The following MRPS30 variants were observed in gnomAD, a reference collection of about 807,000 sequenced individuals.
MRPS30 encodes the protein large ribosomal subunit protein mL65.
A neutral mutation model predicts 43.8 loss-of-function variants in MRPS30; 42 were observed. That is an observed-to-expected ratio of 0.96 (90% CI 0.75 to 1.24). The LOEUF (loss-of-function observed/expected upper bound fraction) is 1.24, where lower values mean the gene tolerates loss of function less well. Ranked by LOEUF, MRPS30 falls within the 50% of genes most tolerant of loss-of-function variation. The probability of loss-of-function intolerance (pLI) is 0.00; values close to 1 mark genes in which losing one functional copy is unlikely to be tolerated. For synonymous variants in MRPS30, 273 were observed against 228.2 expected (o/e 1.20, Z -1.77); for missense variants, 638 against 570.0 (o/e 1.12, Z -1.22).
At chr5:44,813,788 T>A (rs1200310148) in intron 4 of MRPS30, among the ~76,000 whole-genome samples, 2 of 152,164 alleles carry the variant, frequency 1.3e-5, no homozygotes, top group African/African-American at 4.8e-5. Context: ...GAGCTTATAT[T>A]ATAGTGGGGG....
chr5:44,814,423 T>G lies in MRPS30; in HGVS notation c.1031-490T>G, dbSNP rs1742887689. Among the ~76,000 whole-genome samples, 2 of 152,196 alleles carry G rather than the reference T, an allele frequency of 1.3e-5. 1 individual carries two copies. Among genetic ancestry groups the G allele is most frequent in the South Asian group, 4.1e-4 (2 of 4,832 alleles). On this transcript the variant is annotated intron_variant, in intron 4 of 4. Coordinates refer to ENST00000507110, the MANE Select transcript of MRPS30 (RefSeq NM_016640.4). ...GAATTAGACAAAGTAAGAAGTAACT[T>G]TCTTGAAGATGGTAGAATGGCACTG...
chr5:44,808,996 C>G lies in MRPS30; in HGVS notation c.34C>G (p.Arg12Gly). 2.5e-6 allele frequency: 4 copies of G among 1,607,904 alleles called. No individual in the cohort carries two copies. Among genetic ancestry groups the G allele is most frequent in the Non-Finnish European group, 3.4e-6 (4 of 1,177,664 alleles). ...AAARCWRPLL[R>G]GPRLSLHTAA... ...GGCCAGGTGTTGGAGGCCTTTGCTA[C>G]GCGGTCCGAGGCTTTCATTGCACAC... The change falls in exon 1 of 5, where the codon CGC (arginine) becomes GGC (glycine). Residue 12 changes from arginine to glycine, a missense_variant. Physicochemically the swap from Arg to Gly is moderately radical, Grantham distance 125 (BLOSUM62 -2). Transcript: ENST00000507110.
rs754234679 is a variant in MRPS30, at chr5:44,815,120, TTAA to T, written c.1240_1242del (p.Asn414del). 3.1e-6 allele frequency: 5 copies of T among 1,612,666 alleles called. No homozygotes were observed. The highest frequency in any genetic ancestry group is 3.4e-6 in the Non-Finnish European group (4 of 1,178,956). On this transcript the variant is annotated inframe_deletion, in exon 5 of 5. Coordinates refer to ENST00000507110, the MANE Select transcript of MRPS30 (RefSeq NM_016640.4). ...ATTGAGGATAATGATGTGAAAGGTT[TTAA>T]TGATGATGTTCTACTTCAGATAGTT...
At chr5:44,811,893 A>G (rs753762799) in intron 2 of MRPS30, 22 bp from the exon 3 acceptor site, 1 of 1,369,674 alleles carries the variant, frequency 7.3e-7, no homozygotes, top group Non-Finnish European at 9.9e-7. Flanking sequence ...TGAATTTAGT[A>G]TGTCTTTTCT....
At chr5:44,814,300 C>CT (rs1297943532) in intron 4 of MRPS30, among the ~76,000 whole-genome samples, 7 of 151,992 alleles carry the variant, frequency 4.6e-5, no homozygotes, top group Admixed American at 2.0e-4. Flanking sequence ...CTAGGCTCAT[C>CT]TTTTTTTAAC....
rs1275581060 is a variant in MRPS30 at position 44,809,289 on chromosome 5, C to G, written c.327C>G (p.Phe109Leu). 1 of 1,613,202 alleles carries G rather than the reference C, an allele frequency of 6.2e-7. No homozygotes were observed. The highest frequency in any genetic ancestry group is 8.5e-7 in the Non-Finnish European group (1 of 1,179,818). Residue 109 changes from phenylalanine (F) to leucine (L), a missense_variant, in exon 1 of 5, where the codon TTC becomes TTG. By Grantham distance (22) the Phe-to-Leu change is conservative. Coordinates refer to ENST00000507110, the MANE Select transcript of MRPS30 (RefSeq NM_016640.4). ...ATGCCGACCGCTGGTACCAGTACTT[C>G]ACCAAGACCGTGTTCCTGTCGGGTC... ...ALNADRWYQY[F>L]TKTVFLSGLP...
chr5:44,809,229 G>A lies in MRPS30; in HGVS notation c.267G>A (p.Met89Ile), dbSNP rs1223512279. ...GAATCCTCACCAAGATGCAGTTTAT[G>A]AAGTACATGGTTTACCCGCAGACCT... Reference protein sequence around the residue: ...KLRILTKMQFMKYMVYPQTFA... With the variant: ...KLRILTKMQFIKYMVYPQTFA... Residue 89 changes from methionine (M) to isoleucine (I), a missense_variant, in exon 1 of 5, where the codon ATG becomes ATA. Coordinates refer to ENST00000507110, the MANE Select transcript of MRPS30 (RefSeq NM_016640.4). 1 of 1,613,552 alleles carries A rather than the reference G, an allele frequency of 6.2e-7. No homozygotes were observed. Among genetic ancestry groups the A allele is most frequent in the African/African-American group, 1.3e-5 (1 of 74,924 alleles).
At chr5:44,809,654 C>T (rs762922029) in intron 1 of MRPS30, 91 bp downstream of exon 1, 6 of 1,335,104 alleles carry the variant, frequency 4.5e-6, no homozygotes, top group Non-Finnish European at 6.1e-6. Context: ...TCATTTCTTT[C>T]TCTCTGCTTC....
chr5:44,808,996 C>A lies in MRPS30; in HGVS notation c.34C>A (p.Arg12Ser), dbSNP rs112901974. The A allele has an allele frequency of 2.9e-3, 4,695 of 1,607,900 alleles. 6 individuals are homozygous for A. The highest frequency in any genetic ancestry group is 3.6e-3 in the Non-Finnish European group (4,217 of 1,177,660). Residue 12 changes from arginine (R) to serine (S), a missense_variant, in exon 1 of 5, where the codon CGC (arginine) becomes AGC (serine). Transcript: ENST00000507110. ...GGCCAGGTGTTGGAGGCCTTTGCTA[C>A]GCGGTCCGAGGCTTTCATTGCACAC... ...AAARCWRPLLRGPRLSLHTAA... is the reference protein window; with the variant it reads ...AAARCWRPLLSGPRLSLHTAA...
Position 44,811,026 on chromosome 5 carries a change from C to G in MRPS30, c.619C>G (p.His207Asp). ...AAALDYRCPV[H>D]FYWVRGEEII... ...TTTGATAGATTATAGATGCCCAGTT[C>G]ATTTTTACTGGGTGCGTGGTGAAGA... Residue 207 changes from histidine to aspartate, a missense_variant, in exon 2 of 5, where the codon CAT becomes GAT. By Grantham distance (81) the His-to-Asp change is moderately conservative (BLOSUM62 -1). Coordinates refer to ENST00000507110, the MANE Select transcript of MRPS30 (RefSeq NM_016640.4). The G allele has an allele frequency of 6.2e-7, 1 of 1,613,862 alleles. No homozygotes were observed. The highest frequency in any genetic ancestry group is 8.5e-7 in the Non-Finnish European group (1 of 1,179,878).
chr5:44,809,716 A>G (rs1036036187), intron 1 of MRPS30, 153 bp downstream of exon 1: 106 of 807,492 alleles, frequency 1.3e-4, no homozygotes, highest in Non-Finnish European at 1.9e-4. Flanking sequence ...CTGGTTTTGT[A>G]ACAGTCACTG....
chr5:44,812,837 A>T (rs539235351), intron 3 of MRPS30, among the ~76,000 whole-genome samples: 2 of 152,270 alleles, frequency 1.3e-5, no homozygotes, highest in East Asian at 3.9e-4. Context: ...TAGAAATTTT[A>T]AATAACTTGT....
chr5:44,809,564 G>A lies in MRPS30; in HGVS notation c.601+1G>A, dbSNP rs1742793361. On this transcript the variant is annotated splice_donor_variant, in intron 1 of 4. Transcript: ENST00000507110. LOFTEE classifies it high-confidence loss of function. ...CCGGCCCTGGCCGCTGCCGCCCTCG[G>A]TGAGCCTTGGATTCCGCCCCAGGGC... 2 of 1,590,214 alleles carry A rather than the reference G, an allele frequency of 1.3e-6. No homozygotes were observed. The highest frequency in any genetic ancestry group is 1.7e-6 in the Non-Finnish European group (2 of 1,168,750).
intron 1 of MRPS30, 89 bp from the exon 2 acceptor site, chr5:44,810,920 T>C: frequency 2.6e-6 from 3 of 1,140,582 alleles, no homozygotes; most frequent in Non-Finnish European, 3.8e-6. Context: ...AAGTTATCAT[T>C]TGCTAAGTTA....
chr5:44,810,896 C>A, intron 1 of MRPS30, 113 bp from the exon 2 acceptor site: 1 of 905,794 alleles, frequency 1.1e-6, no homozygotes, highest in Non-Finnish European at 1.7e-6. Context: ...CAGACTCTTA[C>A]CTCAATCATT....
intron 2 of MRPS30, 96 bp downstream of exon 2, chr5:44,811,250 G>A: frequency 7.3e-7 from 1 of 1,378,660 alleles, no homozygotes; most frequent in Admixed American, 2.2e-5. Flanking sequence ...AAATGTTTCA[G>A]GTGGATCTCT....
rs751861977 is a variant in MRPS30, at chr5:44,815,049, T to C, written c.1167T>C (p.Arg389=). The C allele has an allele frequency of 6.2e-6, 10 of 1,613,710 alleles. No homozygotes were observed. In the Admixed American group the frequency reaches 1.7e-4, roughly 27 times the overall value. The part of the protein sequence containing the change: ...LTTQADQNNP[R]KNICWGTQSK... The stretch of plus-strand genomic sequence containing the variant: ...CACAAGCTGATCAAAATAACCCTCG[T>C]AAAAATATATGTTGGGGTACACAAA... Residue 389 remains arginine, a synonymous_variant, in exon 5 of 5, where the codon CGT becomes CGC. Coordinates refer to ENST00000507110, the MANE Select transcript of MRPS30 (RefSeq NM_016640.4).
intron 1 of MRPS30, chr5:44,809,997 GTCTTT>G (rs1164035206): frequency 6.1e-6 from 1 of 164,056 alleles, no homozygotes; most frequent in African/African-American, 2.4e-5. Context: ...AATTTAGTAT[GTCTTT>G]TCTTTTTCTT....
intron 4 of MRPS30, 199 bp downstream of exon 4, chr5:44,813,481 T>G (rs1579858428): frequency 2.3e-6 from 1 of 438,332 alleles, no homozygotes; most frequent in East Asian, 4.1e-5. Flanking sequence ...GGTAGTTGTT[T>G]TTGTCTTTTA....
Sources: gnomAD v4.1 joint callset for allele counts (sites outside exome capture counted in the v4.1 genomes callset) on GRCh38, gnomAD v4.1.1 for gene constraint, MANE v1.5 for transcripts, NCBI Gene and HGNC (gene_info 2026-07-23, HGNC 2026-07-21) for gene names.